Variants in ZNF606 observed in about 807,000 individuals in gnomAD.
ZNF606 encodes the protein zinc finger protein 606, also known as zinc finger protein 328.
A neutral mutation model predicts 74.9 loss-of-function variants in ZNF606; 37 were observed. The ratio of observed to expected loss-of-function variants is 0.49; its 90% CI spans 0.38 to 0.65. The LOEUF (loss-of-function observed/expected upper bound fraction) is 0.65, where lower values mean the gene tolerates loss of function less well. Ranked by LOEUF, ZNF606 falls within the 30% of genes least tolerant of loss-of-function variation. The probability of loss-of-function intolerance (pLI) is 0.00; values close to 1 mark genes in which losing one functional copy is unlikely to be tolerated. For missense variants in ZNF606, 852 were observed against 952.9 expected (o/e 0.89, Z 1.39); for synonymous variants, 328 against 312.4 (o/e 1.05, Z -0.53).
chr19:58,000,344 C>T (rs1229455333), intron 3 of ZNF606: 1 of 528,074 alleles, frequency 1.9e-6, no homozygotes, highest in Non-Finnish European at 3.3e-6. Flanking sequence ...GCCTCAGCCT[C>T]CCGAGCAGCT....
At position 57,979,540 on chromosome 19, in the gene ZNF606, G is replaced by A; in HGVS notation, c.1140C>T (p.Val380=). ...GAGTAAGGAAAGAGTCATACCCAAAGACTTTCTCCCATTCATTGTATTTAT... is the reference window on the plus strand; with the variant it reads ...GAGTAAGGAAAGAGTCATACCCAAAAACTTTCTCCCATTCATTGTATTTAT... The part of the protein sequence containing the change: ...KAYKYNEWEK[V]FGYDSFLTQH... The change falls in exon 7 of 7, where the codon GTC becomes GTT. Residue 380 remains valine, a synonymous_variant. Transcript: ENST00000551380. The A allele has an allele frequency of 1.9e-6, 3 of 1,613,136 alleles. No individual in the cohort carries two copies. Among genetic ancestry groups the A allele is most frequent in the Non-Finnish European group, 2.5e-6 (3 of 1,179,560 alleles).
chr19:57,985,632 TA>T, intron 6 of ZNF606, among the ~76,000 whole-genome samples: 1 of 151,976 alleles, frequency 6.6e-6, no homozygotes. Context: ...TGCATACCCA[TA>T]ATAATTAAAC....
Position 57,978,786 on chromosome 19 carries a change from A to G in ZNF606, c.1894T>C (p.Ser632Pro), listed in dbSNP as rs2073029024. 6.2e-7 allele frequency: 1 copy of G among 1,613,946 alleles called. No individual in the cohort carries two copies. Among genetic ancestry groups the G allele is most frequent in the Non-Finnish European group, 8.5e-7 (1 of 1,180,012 alleles). Residue 632 changes from serine (S) to proline (P), a missense_variant, in exon 7 of 7, where the codon TCC becomes CCC. Ser to Pro is a moderately conservative substitution (Grantham distance 74). This residue lies in a region of ZNF606 where 243 missense variants were observed against 359.2 expected (regional missense o/e 0.68). Transcript: ENST00000551380. The surrounding 1 kb of genome is among the most constrained non-coding windows in gnomAD (Gnocchi z 4.4). ...ACAAGGTGAGCCATCTGGCTACAGGATTTTCCACATTTATTACATTCATAG... is the reference window on the plus strand; with the variant it reads ...ACAAGGTGAGCCATCTGGCTACAGGGTTTTCCACATTTATTACATTCATAG... Reference protein sequence around the residue: ...KPYECNKCGKSCSQMAHLVRH... With the variant: ...KPYECNKCGKPCSQMAHLVRH...
chr19:57,985,320 GC>G (rs1365757458), intron 6 of ZNF606, among the ~76,000 whole-genome samples: 1 of 152,136 alleles, frequency 6.6e-6, no homozygotes, highest in Non-Finnish European at 1.5e-5. Flanking sequence ...CAAAGCTGGA[GC>G]TTTTTCAAAG....
intron 6 of ZNF606, among the ~76,000 whole-genome samples, chr19:57,981,895 T>C (rs910878828): frequency 6.6e-6 from 1 of 152,238 alleles, no homozygotes; most frequent in African/African-American, 2.4e-5. Flanking sequence ...CCTGCTGCTA[T>C]CCTTAGAGAG....
intron 6 of ZNF606, among the ~76,000 whole-genome samples, chr19:57,986,628 AAAGC>A (rs1239693548): frequency 6.6e-6 from 1 of 152,222 alleles, no homozygotes; most frequent in Non-Finnish European, 1.5e-5. Context: ...ACAACTGCAT[AAAGC>A]AATAATTATA....
chr19:57,997,630 T>C (rs950653083), intron 4 of ZNF606: 10 of 152,194 alleles, frequency 6.6e-5, no homozygotes, highest in Non-Finnish European at 1.2e-4. Flanking sequence ...TTTTTAATTC[T>C]GTTTTATTTT....
At position 57,977,486 on chromosome 19, in the gene ZNF606, T is replaced by C. The variant is rs974567575; in HGVS notation, c.*815A>G. The C allele has an allele frequency of 6.6e-6, 1 of 152,254 alleles. No homozygotes were observed. The highest frequency in any genetic ancestry group is 2.4e-5 in the African/African-American group (1 of 41,474). The allele number at this position is 152,254 out of a possible 1,614,324, so 9.4% of individuals were successfully genotyped here. A position where few individuals can be genotyped will look rare whatever the true frequency, so the allele number is the denominator to read the frequency against. ...AGATGTGTTACAGTAAGTATGTATA[T>C]ACAATTCTGTATCCTTTTTATTCCT... On this transcript the variant is annotated 3_prime_UTR_variant, in exon 7 of 7. Transcript: ENST00000551380.
intron 6 of ZNF606, among the ~76,000 whole-genome samples, chr19:57,982,636 C>G (rs906528525): frequency 6.6e-6 from 1 of 151,850 alleles, no homozygotes; most frequent in Non-Finnish European, 1.5e-5. Flanking sequence ...CACCCAAGTC[C>G]ATTATTTTTT....
Position 57,980,227 on chromosome 19 carries a change from A to C in ZNF606, c.453T>G (p.Phe151Leu). 1 of 1,614,126 alleles carries C rather than the reference A, an allele frequency of 6.2e-7. No individual in the cohort carries two copies. Among genetic ancestry groups the C allele is most frequent in the Non-Finnish European group, 8.5e-7 (1 of 1,180,012 alleles). The change falls in exon 7 of 7, where the codon TTT becomes TTG. Residue 151 changes from phenylalanine (F) to leucine (L), a missense_variant. Physicochemically the swap from Phe to Leu is conservative, Grantham distance 22. Transcript: ENST00000551380. The part of the protein sequence containing the change: ...SKALIPAQSI[F>L]EEEQSHGMKL... ...TCATGCCATGGGATTGTTCTTCCTC[A>C]AAAATGCTCTGTGCTGGGATCAATG...
intron 1 of ZNF606, among the ~76,000 whole-genome samples, chr19:58,001,902 A>G (rs1447141255): frequency 6.6e-6 from 1 of 152,182 alleles, no homozygotes; most frequent in Non-Finnish European, 1.5e-5. Flanking sequence ...CCCACCTCCA[A>G]AAAAAATTCA....
At chr19:57,999,248 C>G (rs1015208431) in intron 4 of ZNF606, 2 of 153,278 alleles carry the variant, frequency 1.3e-5, no homozygotes, top group Non-Finnish European at 2.9e-5. Context: ...ACAGTAAAAG[C>G]TGAGCTCCAC....
At position 57,979,861 on chromosome 19, in the gene ZNF606, G is replaced by A. The variant is rs1190484893; in HGVS notation, c.819C>T (p.Ser273=). 6.2e-7 allele frequency: 1 copy of A among 1,613,676 alleles called. No homozygotes were observed. The highest frequency in any genetic ancestry group is 2.2e-5 in the East Asian group (1 of 44,872). ...NNDYDKTVYQ[S]IQPIYPARIQ... ...TTCTTGCAGGGTAAATAGGTTGAAT[G>A]GACTGATAAACAGTTTTGTCATAAT... Residue 273 remains serine (S), a synonymous_variant, in exon 7 of 7, where the codon TCC becomes TCT. Coordinates refer to ENST00000551380, the MANE Select transcript of ZNF606 (RefSeq NM_001348022.3).
chr19:57,979,245 T>G lies in ZNF606; in HGVS notation c.1435A>C (p.Thr479Pro). ...TTACAAACATAAGGTTTTTCTCCTGTATGAATTCTCTTATGTACAATAAGA... is the reference window on the plus strand; with the variant it reads ...TTACAAACATAAGGTTTTTCTCCTGGATGAATTCTCTTATGTACAATAAGA... ...SHLIVHKRIH[T>P]GEKPYVCNEC... Residue 479 changes from threonine to proline, a missense_variant, in exon 7 of 7, where the codon ACA becomes CCA. This residue lies in a region of ZNF606 where 243 missense variants were observed against 359.2 expected (regional missense o/e 0.68). Transcript: ENST00000551380. 1 of 1,613,892 alleles carries G rather than the reference T, an allele frequency of 6.2e-7. No homozygotes were observed. The highest frequency in any genetic ancestry group is 8.5e-7 in the Non-Finnish European group (1 of 1,179,962).
rs1337966080 is a variant in ZNF606 at position 58,002,600 on chromosome 19, C to A, written c.-256G>T. On this transcript the variant is annotated 5_prime_UTR_variant, in exon 1 of 7. Coordinates refer to ENST00000551380, the MANE Select transcript of ZNF606 (RefSeq NM_001348022.3). The stretch of plus-strand genomic sequence containing the variant: ...CCGTCCGACCAGAAAACGAAGAACG[C>A]CCGGAGGCGGGAGGCCGGAGGCAGG... The A allele has an allele frequency of 9.0e-6, 4 of 446,086 alleles. No individual in the cohort carries two copies. The highest frequency in any genetic ancestry group is 1.8e-5 in the Non-Finnish European group (4 of 222,754). 27.6% of individuals were successfully genotyped at this position (446,086 alleles called of 1,614,324 possible).
chr19:57,984,280 TC>T (rs2073132735), intron 6 of ZNF606, among the ~76,000 whole-genome samples: 1 of 152,188 alleles, frequency 6.6e-6, no homozygotes, highest in Admixed American at 6.5e-5. Context: ...TCGGCTGTGA[TC>T]AAGGAGACAG....
At position 57,978,826 on chromosome 19, in the gene ZNF606, A is replaced by G; in HGVS notation, c.1854T>C (p.His618=). 1 of 1,614,180 alleles carries G rather than the reference A, an allele frequency of 6.2e-7. No homozygotes were observed. The highest frequency in any genetic ancestry group is 1.6e-4 in the Middle Eastern group (1 of 6,062). Residue 618 remains histidine (H), a synonymous_variant, in exon 7 of 7, where the codon CAT becomes CAC. Transcript: ENST00000551380. The surrounding 1 kb of genome is among the most constrained non-coding windows in gnomAD (Gnocchi z 4.4). ...TACATTCATAGGGCTTAATTCCAGAATGAATTATCTCATGTTTAGTGAGGG... is the reference window on the plus strand; with the variant it reads ...TACATTCATAGGGCTTAATTCCAGAGTGAATTATCTCATGTTTAGTGAGGG... The part of the protein sequence containing the change: ...RSALTKHEII[H]SGIKPYECNK...
chr19:57,981,567 C>T (rs2073086448), intron 6 of ZNF606, among the ~76,000 whole-genome samples: 1 of 152,140 alleles, frequency 6.6e-6, no homozygotes, highest in Admixed American at 6.6e-5. Context: ...GTTATAATGT[C>T]CTTCTACTCC....
chr19:58,002,215 C>T, intron 1 of ZNF606, 181 bp downstream of exon 1: 3 of 456,852 alleles, frequency 6.6e-6, no homozygotes, highest in Non-Finnish European at 1.3e-5. Flanking sequence ...GTCTGACGTC[C>T]TTCACAGTGC....
Sources: gnomAD v4.1 joint callset for allele counts (sites outside exome capture counted in the v4.1 genomes callset) on GRCh38, gnomAD v4.1.1 for gene constraint, gnomAD v4.1.1 regional missense constraint, Gnocchi (gnomAD v3.1) non-coding constraint, MANE v1.5 for transcripts, NCBI Gene and HGNC (gene_info 2026-07-23, HGNC 2026-07-21) for gene names.